The following DIS3L2 variants were observed in gnomAD, a reference collection of about 807,000 sequenced individuals.
DIS3L2 encodes the protein DIS3-like exonuclease 2.
Under a neutral mutation model 97.5 loss-of-function variants are expected in DIS3L2, and 34 were observed. That is an observed-to-expected ratio of 0.35 (90% confidence interval 0.27 to 0.46). The LOEUF (loss-of-function observed/expected upper bound fraction) is 0.46. Ranked by LOEUF, DIS3L2 falls within the 20% of genes least tolerant of loss-of-function variation. The pLI is 1.00. For missense variants in DIS3L2, 1,038 were observed against 1,146.0 expected (o/e 0.91, Z 1.36); for synonymous variants, 435 against 445.2 (o/e 0.98, Z 0.29).
chr2:232,073,728 G>A (rs1696102910), intron 5 of DIS3L2, among the ~76,000 whole-genome samples: 1 of 152,156 alleles, frequency 6.6e-6, no homozygotes, highest in Non-Finnish European at 1.5e-5. Context: ...TTTGGTTACA[G>A]GGACTTTTTC....
At chr2:232,134,248 A>G (rs900529633) in intron 7 of DIS3L2, among the ~76,000 whole-genome samples, 2 of 152,170 alleles carry the variant, frequency 1.3e-5, no homozygotes, top group African/African-American at 4.8e-5. Flanking sequence ...GGAGAGGATC[A>G]AGAGACTGAA....
At chr2:232,211,777 A>C (rs1213286334) in intron 10 of DIS3L2, among the ~76,000 whole-genome samples, 1 of 152,222 alleles carries the variant, frequency 6.6e-6, no homozygotes, top group Non-Finnish European at 1.5e-5. Flanking sequence ...GAAGGCTGAG[A>C]GATAGAAGAC....
At chr2:232,318,011 C>T (rs1339015208) in intron 14 of DIS3L2, among the ~76,000 whole-genome samples, 1 of 152,178 alleles carries the variant, frequency 6.6e-6, no homozygotes, top group Admixed American at 6.5e-5. Flanking sequence ...CCTACCTTTC[C>T]CCCCTGACTT....
At chr2:232,006,045 G>A (rs576847901) in intron 1 of DIS3L2, among the ~76,000 whole-genome samples, 2 of 152,216 alleles carry the variant, frequency 1.3e-5, no homozygotes, top group South Asian at 2.1e-4. Flanking sequence ...AAAATTAGCC[G>A]GGCATGGTGG....
chr2:232,111,488 A>G (rs1697531580), intron 6 of DIS3L2, among the ~76,000 whole-genome samples: 1 of 152,116 alleles, frequency 6.6e-6, no homozygotes, highest in African/African-American at 2.4e-5. Context: ...GTTGGCTTAT[A>G]CAAGTTTTGC....
At chr2:232,329,785 T>TGCCCGGGGCGC in intron 14 of DIS3L2, 28 bp from the exon 15 acceptor site, 1 of 967,144 alleles carries the variant, frequency 1.0e-6, no homozygotes. Flanking sequence ...ACCCCAGCGG[T>TGCCCGGGGCGC]CCCTCCCATC....
intron 1 of DIS3L2, among the ~76,000 whole-genome samples, chr2:231,980,547 A>C (rs976859405): frequency 8.5e-5 from 13 of 152,108 alleles, no homozygotes; most frequent in Admixed American, 8.5e-4. Flanking sequence ...AAATACAAAA[A>C]ATCAGCTGGG....
At chr2:232,138,381 G>A (rs1471128495) in intron 8 of DIS3L2, among the ~76,000 whole-genome samples, 2 of 151,958 alleles carry the variant, frequency 1.3e-5, no homozygotes, top group Non-Finnish European at 2.9e-5. Flanking sequence ...ATATTTAGAT[G>A]GAAACATCAT....
At chr2:232,208,337 GT>G (rs1692089649) in intron 9 of DIS3L2, among the ~76,000 whole-genome samples, 1 of 150,860 alleles carries the variant, frequency 6.6e-6, no homozygotes, top group South Asian at 2.1e-4. Flanking sequence ...TTGAGACCAA[GT>G]CTTGCTCTGT....
chr2:232,330,144 G>A, intron 15 of DIS3L2, 148 bp downstream of exon 15: 1 of 1,014,634 alleles, frequency 9.9e-7, no homozygotes, highest in Non-Finnish European at 1.4e-6. Flanking sequence ...GGCCCTGGGA[G>A]AAAGGGCCCC....
intron 1 of DIS3L2, among the ~76,000 whole-genome samples, chr2:231,966,499 C>T (rs13430980): frequency 1.3e-5 from 2 of 151,722 alleles, no homozygotes; most frequent in Non-Finnish European, 2.9e-5. Context: ...GAATCTCACT[C>T]TGCTGCCCAG....
intron 13 of DIS3L2, among the ~76,000 whole-genome samples, chr2:232,264,579 G>C (rs2106282633): frequency 6.6e-6 from 1 of 152,140 alleles, no homozygotes; most frequent in African/African-American, 2.4e-5. Context: ...TTCCTTGCTT[G>C]TTGTGTGCTC....
At chr2:232,001,330 C>G (rs979502734) in intron 1 of DIS3L2, among the ~76,000 whole-genome samples, 17 of 152,106 alleles carry the variant, frequency 1.1e-4, no homozygotes, top group African/African-American at 4.1e-4. Context: ...TTTTCATATA[C>G]CTGTTGGTAA....
At chr2:232,329,785 TCCCTC>T in intron 14 of DIS3L2, 23 bp from the exon 15 acceptor site, 2 of 967,136 alleles carry the variant, frequency 2.1e-6, no homozygotes, top group Non-Finnish European at 2.9e-6. Flanking sequence ...ACCCCAGCGG[TCCCTC>T]CCATCCCACC....
At chr2:232,135,526 C>T (rs901532732) in intron 7 of DIS3L2, among the ~76,000 whole-genome samples, 2 of 152,262 alleles carry the variant, frequency 1.3e-5, no homozygotes, top group Admixed American at 1.3e-4. Context: ...TTTAAAATAG[C>T]TGTTTTTCAG....
chr2:232,206,476 C>T (rs960364284), intron 9 of DIS3L2, among the ~76,000 whole-genome samples: 1 of 152,112 alleles, frequency 6.6e-6, no homozygotes, highest in Non-Finnish European at 1.5e-5. Context: ...TTTATTTGTG[C>T]GTAGTGCAAT....
chr2:231,991,983 T>A (rs1315507777), intron 1 of DIS3L2, among the ~76,000 whole-genome samples: 1 of 152,182 alleles, frequency 6.6e-6, no homozygotes, highest in Non-Finnish European at 1.5e-5. Context: ...ACGTGCTAAA[T>A]GATGAAATTG....
intron 5 of DIS3L2, among the ~76,000 whole-genome samples, chr2:232,044,287 T>C (rs571338714): frequency 6.6e-6 from 1 of 152,218 alleles, no homozygotes; most frequent in South Asian, 2.1e-4. Context: ...GCAAAATTGG[T>C]GGGAGACTGA....
At chr2:232,072,873 A>G (rs1275887019) in intron 5 of DIS3L2, among the ~76,000 whole-genome samples, 2 of 150,342 alleles carry the variant, frequency 1.3e-5, no homozygotes, top group African/African-American at 4.9e-5. Context: ...AGGAAGTCGA[A>G]TGATTGATTG....
Sources: allele counts gnomAD v4.1 joint callset (sites outside exome capture counted in the v4.1 genomes callset), GRCh38; gene constraint gnomAD v4.1.1; transcripts MANE v1.5; gene names NCBI Gene and HGNC (gene_info 2026-07-23, HGNC 2026-07-21).